ATP13A2: variants seen among roughly 807,000 people sequenced by gnomAD.
The protein encoded by ATP13A2 is ATPase cation transporting 13A2, also known as polyamine-transporting ATPase 13A2.
In ATP13A2, 83 loss-of-function variants were observed where a neutral mutation model predicts 138.3. That is an observed-to-expected ratio of 0.60 (90% CI 0.50 to 0.72). The LOEUF (loss-of-function observed/expected upper bound fraction) is 0.72. Ranked by LOEUF, ATP13A2 falls within the 30% of genes least tolerant of loss-of-function variation. The pLI, the probability that ATP13A2 is intolerant of heterozygous loss-of-function variation, is 0.00. For missense variants in ATP13A2, 1,402 were observed against 1,606.4 expected, an observed-to-expected ratio of 0.87 and a Z score of 2.17; for synonymous variants, 663 against 699.0, an observed-to-expected ratio of 0.95 and a Z score of 0.81.
chr1:16,989,632 ACGAACGGACAAGCT>A (rs1380545550), intron 23 of ATP13A2, 45 bp downstream of exon 23: 1 of 1,560,414 alleles, frequency 6.4e-7, no homozygotes, highest in East Asian at 2.2e-5. Context: ...AGATGAACAG[ACGAACGGACAAGCT>A]CAGTCTCCGC....
Position 17,011,098 on chromosome 1 carries a change from T to C in ATP13A2, c.10+631A>G, listed in dbSNP as rs2077770996. On this transcript the variant is annotated intron_variant, in intron 1 of 28. Coordinates refer to ENST00000326735, the MANE Select transcript of ATP13A2 (RefSeq NM_022089.4). This position sits in a 1 kb window ranked among gnomAD's most constrained non-coding sequence, Gnocchi z 7.3. ...GATAGGGGAGGAGGACTGGCCCCAT[T>C]CCCGGCAGGTGGGATTTAAATTAGA... Among the ~76,000 whole-genome samples, 1 of 151,984 alleles carries C rather than the reference T, an allele frequency of 6.6e-6. No homozygotes were observed. The highest frequency in any genetic ancestry group is 6.6e-5 in the Admixed American group (1 of 15,262).
intron 1 of ATP13A2, among the ~76,000 whole-genome samples, chr1:17,010,094 T>G (rs2077726360): frequency 7.4e-6 from 1 of 135,632 alleles, no homozygotes. Flanking sequence ...CCCCCCCCGT[T>G]CCCCCCTTCC....
In ATP13A2 at chr1:16,994,197, C is replaced by CTCTCTCTCTCTCATTT. The variant is rs762110883; in HGVS notation, c.1543-363_1543-362insAAATGAGAGAGAGAGA. Among the ~76,000 whole-genome samples the CTCTCTCTCTCTCATTT allele has an allele frequency of 1.5e-3, 224 of 147,400 alleles. No individual in the cohort carries two copies. In the Middle Eastern group the frequency reaches 0.017, roughly 11 times the overall value. ...CACGGTTGGCTCGCTCTCTCTCTCT[C>CTCTCTCTCTCTCATTT]ATTTATTTATTTATTTATTTATTTA... On this transcript the variant is annotated intron_variant, in intron 15 of 28. Coordinates refer to ENST00000326735, the MANE Select transcript of ATP13A2 (RefSeq NM_022089.4).
chr1:17,010,470 A>G (rs1263014334), intron 1 of ATP13A2, among the ~76,000 whole-genome samples: 3 of 152,114 alleles, frequency 2.0e-5, no homozygotes, highest in Non-Finnish European at 4.4e-5. Context: ...GAAGCTTCAC[A>G]CACAACCCTC....
At position 17,005,086 on chromosome 1, in the gene ATP13A2, G is replaced by A; in HGVS notation, c.289-14C>T. The A allele has an allele frequency of 1.2e-6, 2 of 1,614,012 alleles. No homozygotes were observed. Among genetic ancestry groups the A allele is most frequent in the South Asian group, 1.1e-5 (1 of 91,074 alleles). Reference sequence around the variant, plus strand: ...CCAGGAACTATCCTGGAACACAGAGGTATGGACTCAGTCTCAGAAGAGTCC... The same window carrying A: ...CCAGGAACTATCCTGGAACACAGAGATATGGACTCAGTCTCAGAAGAGTCC... On this transcript the variant is annotated splice_polypyrimidine_tract_variant and intron_variant, in intron 3 of 28. Coordinates refer to ENST00000326735, the MANE Select transcript of ATP13A2 (RefSeq NM_022089.4).
Position 17,005,085 on chromosome 1 carries a change from G to A in ATP13A2, c.289-13C>T, listed in dbSNP as rs770284432. 2 of 1,613,908 alleles carry A rather than the reference G, an allele frequency of 1.2e-6. No homozygotes were observed. The highest frequency in any genetic ancestry group is 1.3e-5 in the African/African-American group (1 of 74,900). On this transcript the variant is annotated splice_polypyrimidine_tract_variant and intron_variant, in intron 3 of 28. Transcript: ENST00000326735. ...GCCAGGAACTATCCTGGAACACAGA[G>A]GTATGGACTCAGTCTCAGAAGAGTC... is the stretch of plus-strand genomic sequence containing the variant.
Position 17,002,316 on chromosome 1 carries a change from G to A in ATP13A2, c.615C>T (p.Ser205=), listed in dbSNP as rs1260083427. The change falls in exon 7 of 29, where the codon AGC becomes AGT. Residue 205 remains serine, a synonymous_variant. Transcript: ENST00000326735. ...CTGACCTCACCATTTGGTCCTGGAGGCTGAGGCCATGGCGGGAGCGGTGGA... is the reference window on the plus strand; with the variant it reads ...CTGACCTCACCATTTGGTCCTGGAGACTGAGGCCATGGCGGGAGCGGTGGA... ...DDVHRSRHGL[S]LQDQMVRKAI... is the part of the protein sequence containing the mutation. 5.0e-6 allele frequency: 8 copies of A among 1,613,672 alleles called. No individual in the cohort carries two copies. The South Asian group carries it at 8.8e-5, about 18-fold the overall frequency.
chr1:16,991,995 G>C lies in ATP13A2; in HGVS notation c.2126+14C>G, dbSNP rs772483894. On this transcript the variant is annotated intron_variant, in intron 19 of 28. Transcript: ENST00000326735. ...CCTAGTCCTCAGAGTGGGTGGGACA[G>C]GAGACAGGCCCACCTCGTCAGTTGC... 4 of 1,611,094 alleles carry C rather than the reference G, an allele frequency of 2.5e-6. No homozygotes were observed. The highest frequency in any genetic ancestry group is 2.5e-6 in the Non-Finnish European group (3 of 1,177,982).
At position 16,997,415 on chromosome 1, in the gene ATP13A2, G is replaced by T. The variant is rs373248114; in HGVS notation, c.1040-240C>A. Among the ~76,000 whole-genome samples, 52 of 120,080 alleles carry T rather than the reference G, an allele frequency of 4.3e-4. 7 individuals carry two copies. Among genetic ancestry groups the T allele is most frequent in the Admixed American group, 1.9e-3 (24 of 12,410 alleles). 78.8% of individuals were successfully genotyped at this position (120,080 alleles called of 152,430 possible). ...TGGCAGCCAGCTCCCTGGAACCAGC[G>T]GGGGGGGGTGGGTCAGACAGAGCAT... On this transcript the variant is annotated intron_variant, in intron 11 of 28. Coordinates refer to ENST00000326735, the MANE Select transcript of ATP13A2 (RefSeq NM_022089.4).
Position 16,995,759 on chromosome 1 carries a change from T to A in ATP13A2, c.1542+217A>T. 1 of 695,458 alleles carries A rather than the reference T, an allele frequency of 1.4e-6. No homozygotes were observed. The highest frequency in any genetic ancestry group is 1.7e-5 in the African/African-American group (1 of 57,212). 43.1% of individuals were successfully genotyped at this position (695,458 alleles called of 1,614,324 possible). On this transcript the variant is annotated intron_variant, in intron 15 of 28. Transcript: ENST00000326735. The surrounding 1 kb of genome is among the most constrained non-coding windows in gnomAD (Gnocchi z 4.1). ...CCGCGCCCGGCCCCCCACCAGTTCT[T>A]GAACACATGAATACATGATTCTAGA...
In ATP13A2 at chr1:17,011,690, C is replaced by A; in HGVS notation, c.10+39G>T. On this transcript the variant is annotated intron_variant, in intron 1 of 28. Transcript: ENST00000326735. This position sits in a 1 kb window ranked among gnomAD's most constrained non-coding sequence, Gnocchi z 7.3. Reference sequence around the variant, plus strand: ...GTGACGACAACTGGCGGGCCGGGGACCGCGCCGGGCTCGGGGCCGACCCGG... The same window carrying A: ...GTGACGACAACTGGCGGGCCGGGGAACGCGCCGGGCTCGGGGCCGACCCGG... 1 of 1,483,260 alleles carries A rather than the reference C, an allele frequency of 6.7e-7. No homozygotes were observed. The highest frequency in any genetic ancestry group is 8.9e-7 in the Non-Finnish European group (1 of 1,123,230). The allele number at this position is 1,483,260 out of a possible 1,614,324, so 91.9% of individuals were successfully genotyped here. A position where few individuals can be genotyped will look rare whatever the true frequency, so the allele number is the denominator to read the frequency against.
chr1:17,009,840 G>C (rs761409610), intron 1 of ATP13A2, among the ~76,000 whole-genome samples: 65 of 152,294 alleles, frequency 4.3e-4, no homozygotes, highest in Non-Finnish European at 8.8e-4. Context: ...CCTTGGCAAA[G>C]AGGAAAAGGG....
chr1:17,008,957 C>CAA (rs59927720), intron 1 of ATP13A2, among the ~76,000 whole-genome samples: 183 of 111,640 alleles, frequency 1.6e-3, no homozygotes, highest in South Asian at 0.012. Context: ...GAGCAAGACT[C>CAA]AAAAAAAAAA....
In ATP13A2 at chr1:16,995,916, C is replaced by T. The variant is rs574889436; in HGVS notation, c.1542+60G>A. On this transcript the variant is annotated intron_variant, in intron 15 of 28. Transcript: ENST00000326735. The surrounding 1 kb of genome is among the most constrained non-coding windows in gnomAD (Gnocchi z 4.1). ...TGAGAGAATAACGCGGGTGTGGAGG[C>T]CTCACTGGGGCGCCTGTGGCTGTCC... 64 of 1,601,072 alleles carry T rather than the reference C, an allele frequency of 4.0e-5. No homozygotes were observed. In the East Asian group the frequency reaches 9.6e-4, roughly 24 times the overall value.
At chr1:17,010,083 T>TCCCCCCCCCCTCCCCCCCTC (rs377345453) in intron 1 of ATP13A2, among the ~76,000 whole-genome samples, 3 of 136,684 alleles carry the variant, frequency 2.2e-5, no homozygotes, top group Non-Finnish European at 3.2e-5. Context: ...GATGGAGTCT[T>TCCCCCCCCCCTCCCCCCCTC]CCCCCCCCGT....
intron 16 of ATP13A2, among the ~76,000 whole-genome samples, chr1:16,992,842 G>A (rs894548933): frequency 7.2e-5 from 11 of 152,262 alleles, no homozygotes; most frequent in Non-Finnish European, 1.6e-4. Flanking sequence ...TTGGGGAAGA[G>A]GAAATGAGAC....
intron 1 of ATP13A2, among the ~76,000 whole-genome samples, chr1:17,006,895 A>T (rs2077580000): frequency 6.6e-6 from 1 of 151,772 alleles, no homozygotes; most frequent in Non-Finnish European, 1.5e-5. Context: ...TATTGCAGAT[A>T]TTCTTTTTTT....
At chr1:16,994,197 C>CTCATTT (rs762110883) in intron 15 of ATP13A2, among the ~76,000 whole-genome samples, 2 of 147,312 alleles carry the variant, frequency 1.4e-5, no homozygotes, top group East Asian at 2.1e-4. Flanking sequence ...CTCTCTCTCT[C>CTCATTT]ATTTATTTAT....
chr1:17,009,387 C>CTT (rs1161920218), intron 1 of ATP13A2, among the ~76,000 whole-genome samples: 3,912 of 116,476 alleles, frequency 0.034, 104 homozygotes, highest in Non-Finnish European at 0.046. Context: ...GAGCCTCTTC[C>CTT]TTTTTTTTTT....
Sources: allele counts gnomAD v4.1 joint callset (sites outside exome capture counted in the v4.1 genomes callset), GRCh38; gene constraint gnomAD v4.1.1; non-coding constraint Gnocchi (gnomAD v3.1); transcripts MANE v1.5; gene names NCBI Gene and HGNC (gene_info 2026-07-23, HGNC 2026-07-21).